EPHA4: variants seen among roughly 807,000 people sequenced by gnomAD.
EPHA4 encodes EPH receptor A4.
Under a neutral mutation model 108.3 loss-of-function variants are expected in EPHA4, and 19 were observed. The observed-to-expected ratio is 0.18, with a 90% CI of 0.12 to 0.26. The LOEUF (loss-of-function observed/expected upper bound fraction) is 0.26. EPHA4 is among the 10% of genes least tolerant of loss of function. The probability of loss-of-function intolerance (pLI) is 1.00; values close to 1 mark genes in which losing one functional copy is unlikely to be tolerated. For synonymous variants in EPHA4, 449 were observed against 455.5 expected, an observed-to-expected ratio of 0.99 and a Z score of 0.18; for missense variants, 917 against 1,254.0, an observed-to-expected ratio of 0.73 and a Z score of 4.06.
intron 17 of EPHA4, among the ~76,000 whole-genome samples, chr2:221,423,200 G>A (rs530854360): frequency 2.8e-4 from 42 of 152,328 alleles, no homozygotes; most frequent in African/African-American, 9.9e-4. Context: ...CATGCATTAG[G>A]AAAGGTGTTA....
At chr2:221,520,537 C>T (rs1009263505) in intron 3 of EPHA4, among the ~76,000 whole-genome samples, 1 of 35,978 alleles carries the variant, frequency 2.8e-5, no homozygotes, top group Non-Finnish European at 5.9e-5. Context: ...CACACACACA[C>T]ACACACAGAG....
At chr2:221,532,023 T>C (rs1275534178) in intron 3 of EPHA4, among the ~76,000 whole-genome samples, 1 of 152,182 alleles carries the variant, frequency 6.6e-6, no homozygotes, top group African/African-American at 2.4e-5. Flanking sequence ...TAGCCAGTGC[T>C]CTTTCAAAGG....
At chr2:221,472,300 CAAAAA>C (rs11397333) in intron 5 of EPHA4, among the ~76,000 whole-genome samples, 1 of 115,776 alleles carries the variant, frequency 8.6e-6, no homozygotes, top group Non-Finnish European at 1.7e-5. Flanking sequence ...ACTTATTTTA[CAAAAA>C]AAAAAAAAAA....
chr2:221,451,187 C>T (rs548453511), intron 8 of EPHA4, among the ~76,000 whole-genome samples: 2 of 152,142 alleles, frequency 1.3e-5, no homozygotes, highest in Non-Finnish European at 2.9e-5. Flanking sequence ...GCATGCCAGC[C>T]TGGGCAACAG....
chr2:221,444,535 C>T (rs1690528768), intron 9 of EPHA4, among the ~76,000 whole-genome samples: 1 of 152,028 alleles, frequency 6.6e-6, no homozygotes, highest in Admixed American at 6.6e-5. Context: ...CTTAAATTGG[C>T]AATTTCTTGC....
At chr2:221,501,994 T>C (rs1202931564) in intron 3 of EPHA4, among the ~76,000 whole-genome samples, 2 of 152,142 alleles carry the variant, frequency 1.3e-5, no homozygotes, top group South Asian at 2.1e-4. Context: ...TCCCCTGCAA[T>C]GCACACACCT....
intron 3 of EPHA4, among the ~76,000 whole-genome samples, chr2:221,549,439 CT>C (rs1458131764): frequency 2.6e-5 from 4 of 152,322 alleles, no homozygotes; most frequent in Admixed American, 2.0e-4. Flanking sequence ...CACTTTCACT[CT>C]CCCCTCTCTC....
At position 221,569,748 on chromosome 2, in the gene EPHA4, G is replaced by C. The variant is rs1480662899; in HGVS notation, c.92-963C>G. ...CAGCCAGGCTGGCTCTTCAGGCTGGGGGAGGGGTGGGAATGGGAAGCCGCC... is the reference window on the plus strand; with the variant it reads ...CAGCCAGGCTGGCTCTTCAGGCTGGCGGAGGGGTGGGAATGGGAAGCCGCC... On this transcript the variant is annotated intron_variant, in intron 1 of 17. Transcript: ENST00000281821. Among the ~76,000 whole-genome samples the C allele has an allele frequency of 2.6e-5, 4 of 151,984 alleles. No individual in the cohort carries two copies. The South Asian group carries it at 8.3e-4, about 32-fold the overall frequency.
At chr2:221,554,655 A>G (rs1242741835) in intron 3 of EPHA4, among the ~76,000 whole-genome samples, 1 of 152,240 alleles carries the variant, frequency 6.6e-6, no homozygotes, top group African/African-American at 2.4e-5. Context: ...AAACAGAATT[A>G]TAGTCAATAC....
chr2:221,504,037 C>T (rs1179277236), intron 3 of EPHA4, among the ~76,000 whole-genome samples: 1 of 152,068 alleles, frequency 6.6e-6, no homozygotes, highest in African/African-American at 2.4e-5. Context: ...TAAACAAAAC[C>T]CCTGTGAAAG....
At chr2:221,496,939 G>A (rs960243601) in intron 4 of EPHA4, among the ~76,000 whole-genome samples, 14 of 151,924 alleles carry the variant, frequency 9.2e-5, no homozygotes, top group African/African-American at 3.4e-4. Context: ...CCATTGGAGG[G>A]GTCTGAACCT....
chr2:221,557,952 A>G (rs1056605360), intron 3 of EPHA4, among the ~76,000 whole-genome samples: 2 of 152,236 alleles, frequency 1.3e-5, no homozygotes, highest in South Asian at 2.1e-4. Flanking sequence ...ATATACATGT[A>G]TGATTACACA....
chr2:221,566,961 G>GGAGA (rs1694679569), intron 2 of EPHA4, among the ~76,000 whole-genome samples: 3 of 102,938 alleles, frequency 2.9e-5, no homozygotes, highest in East Asian at 2.9e-4. Flanking sequence ...AGAAGGGGAA[G>GGAGA]AGGAAGAGGA....
intron 3 of EPHA4, among the ~76,000 whole-genome samples, chr2:221,520,102 C>T (rs1334699341): frequency 6.6e-6 from 1 of 152,036 alleles, no homozygotes; most frequent in African/African-American, 2.4e-5. Context: ...TCATGTCATT[C>T]CTGTATTGAA....
chr2:221,491,078 A>G (rs1408312244), intron 4 of EPHA4, among the ~76,000 whole-genome samples: 1 of 152,150 alleles, frequency 6.6e-6, no homozygotes, highest in African/African-American at 2.4e-5. Flanking sequence ...AGACTTTCCC[A>G]TAACCTATTT....
rs544666515 is a variant in EPHA4 at position 221,442,476 on chromosome 2, G to A, written c.2074+353C>T. Among the ~76,000 whole-genome samples the A allele has an allele frequency of 1.0e-4, 15 of 150,600 alleles. No homozygotes were observed. In the South Asian group the frequency reaches 3.2e-3, roughly 32 times the overall value. Reference sequence around the variant, plus strand: ...CCAGCACAAGGTGTGGCCAGGTTTTGTTGTGCTTTATAGGAAAAGTACTTA... The same window carrying A: ...CCAGCACAAGGTGTGGCCAGGTTTTATTGTGCTTTATAGGAAAAGTACTTA... On this transcript the variant is annotated intron_variant, in intron 11 of 17. Transcript: ENST00000281821.
intron 4 of EPHA4, among the ~76,000 whole-genome samples, chr2:221,485,194 G>C (rs1383623425): frequency 2.6e-5 from 4 of 152,168 alleles, no homozygotes; most frequent in Non-Finnish European, 4.4e-5. Flanking sequence ...TAGTATGTAG[G>C]ACGGGGCACG....
At chr2:221,570,402 C>T (rs559889268) in intron 1 of EPHA4, among the ~76,000 whole-genome samples, 10 of 152,170 alleles carry the variant, frequency 6.6e-5, no homozygotes, top group South Asian at 6.2e-4. Context: ...AGGGGACGTC[C>T]TAACAAGTGT....
intron 8 of EPHA4, among the ~76,000 whole-genome samples, chr2:221,453,610 A>G (rs1690850937): frequency 6.6e-6 from 1 of 152,210 alleles, no homozygotes; most frequent in Non-Finnish European, 1.5e-5. Flanking sequence ...GCTGTTTAGA[A>G]TATAGAGGGC....
Sources: gnomAD v4.1 joint callset for allele counts (sites outside exome capture counted in the v4.1 genomes callset) on GRCh38, gnomAD v4.1.1 for gene constraint, MANE v1.5 for transcripts, NCBI Gene and HGNC (gene_info 2026-07-23, HGNC 2026-07-21) for gene names.